Variants in RAPGEF2 observed in about 807,000 individuals in gnomAD.
RAPGEF2 encodes Rap guanine nucleotide exchange factor 2.
Under a neutral mutation model 186.7 loss-of-function variants are expected in RAPGEF2, and 54 were observed. The observed-to-expected ratio is 0.29, with a 90% CI of 0.23 to 0.36. The LOEUF is 0.36. Among genes scored for constraint, RAPGEF2 ranks in the 10% least tolerant of loss-of-function variants. The probability of loss-of-function intolerance (pLI) is 1.00; values close to 1 mark genes in which losing one functional copy is unlikely to be tolerated. For missense variants in RAPGEF2, 1,532 were observed against 2,045.0 expected, an observed-to-expected ratio of 0.75 and a Z score of 4.84; for synonymous variants, 712 against 705.9, an observed-to-expected ratio of 1.01 and a Z score of -0.14.
In RAPGEF2 at chr4:159,125,770, A is replaced by AT. The variant is rs200788000; in HGVS notation, c.69+21539_69+21540insT. On this transcript the variant is annotated intron_variant, in intron 1 of 29. Transcript: ENST00000691494. ...GAGAATCTGTCTCGAAAAAAAAAAAAAATAATAATTCGCTGTTATAGTCTG... is the reference window on the plus strand; with the variant it reads ...GAGAATCTGTCTCGAAAAAAAAAAAATAATAATAATTCGCTGTTATAGTCTG... 2.8e-3 allele frequency among the ~76,000 whole-genome samples: 430 copies of AT among 152,088 alleles called. 1 individual carries two copies. Among genetic ancestry groups the AT allele is most frequent in the African/African-American group, 9.7e-3 (400 of 41,448 alleles).
At chr4:159,214,413 T>C (rs1443991183) in intron 4 of RAPGEF2, among the ~76,000 whole-genome samples, 2 of 152,260 alleles carry the variant, frequency 1.3e-5, no homozygotes, top group Admixed American at 6.5e-5. Context: ...GATTATCTTA[T>C]GAGGTTGCAG....
At chr4:159,264,630 G>A (rs981510895) in intron 7 of RAPGEF2, among the ~76,000 whole-genome samples, 1 of 152,118 alleles carries the variant, frequency 6.6e-6, no homozygotes, top group African/African-American at 2.4e-5. Flanking sequence ...ATTATTAAGT[G>A]TAAAAGGCCA....
chr4:159,239,530 TGTG>T (rs1753702173), intron 5 of RAPGEF2, among the ~76,000 whole-genome samples: 1 of 152,216 alleles, frequency 6.6e-6, no homozygotes, highest in African/African-American at 2.4e-5. Context: ...AATGTAATTT[TGTG>T]ACAAAAATTT....
intron 7 of RAPGEF2, among the ~76,000 whole-genome samples, chr4:159,275,453 A>G (rs925320300): frequency 2.0e-5 from 3 of 152,178 alleles, no homozygotes; most frequent in Non-Finnish European, 2.9e-5. Flanking sequence ...TGATTATTAA[A>G]TGAAACATAC....
intron 1 of RAPGEF2, among the ~76,000 whole-genome samples, chr4:159,150,355 T>C (rs944462049): frequency 1.4e-4 from 21 of 152,168 alleles, no homozygotes; most frequent in African/African-American, 4.3e-4. Flanking sequence ...TTATTGAATA[T>C]ATACGGTTGA....
intron 1 of RAPGEF2, among the ~76,000 whole-genome samples, chr4:159,154,805 T>C (rs1743944101): frequency 6.6e-6 from 1 of 152,158 alleles, no homozygotes; most frequent in African/African-American, 2.4e-5. Context: ...TCCCTTCCCG[T>C]GTTACTATAC....
intron 7 of RAPGEF2, among the ~76,000 whole-genome samples, chr4:159,248,503 A>G (rs955494890): frequency 6.6e-6 from 1 of 152,190 alleles, no homozygotes; most frequent in Admixed American, 6.5e-5. Flanking sequence ...TTGCATTTTA[A>G]CATCCTGCAG....
At position 159,103,249 on chromosome 4, in the gene RAPGEF2, C is replaced by T. The variant is rs1437461233; in HGVS notation, c.-914C>T. ...CCGAACCCGGGCTGTCCGCGGCCCC[C>T]TCTTCCCCCTCCTCCGCCCCGCGCA... On this transcript the variant is annotated 5_prime_UTR_variant, in exon 1 of 30. Transcript: ENST00000691494. 6.6e-6 allele frequency: 1 copy of T among 151,982 alleles called. No individual in the cohort carries two copies. Among genetic ancestry groups the T allele is most frequent in the Non-Finnish European group, 1.5e-5 (1 of 68,014 alleles). 9.4% of individuals were successfully genotyped at this position (151,982 alleles called of 1,614,324 possible).
At chr4:159,220,270 T>C (rs1035278403) in intron 4 of RAPGEF2, among the ~76,000 whole-genome samples, 2 of 152,002 alleles carry the variant, frequency 1.3e-5, no homozygotes, top group African/African-American at 4.8e-5. Flanking sequence ...TAGCACGTGT[T>C]TGTGTGTTGA....
At chr4:159,347,566 C>T (rs1031128804) in intron 25 of RAPGEF2, among the ~76,000 whole-genome samples, 2 of 152,330 alleles carry the variant, frequency 1.3e-5, no homozygotes, top group East Asian at 1.9e-4. Flanking sequence ...GGGCAGATCA[C>T]GAGGTCAGGA....
intron 1 of RAPGEF2, among the ~76,000 whole-genome samples, chr4:159,125,073 T>C (rs1318870662): frequency 6.6e-6 from 1 of 152,134 alleles, no homozygotes; most frequent in Non-Finnish European, 1.5e-5. Flanking sequence ...ATGAGAGGTT[T>C]TAATACAGTT....
chr4:159,150,082 T>A (rs1200009345), intron 1 of RAPGEF2, among the ~76,000 whole-genome samples: 2 of 152,112 alleles, frequency 1.3e-5, no homozygotes, highest in African/African-American at 4.8e-5. Context: ...TATATTGTTA[T>A]TAGCAGTATC....
chr4:159,160,365 T>G (rs537682784), intron 1 of RAPGEF2, among the ~76,000 whole-genome samples: 163 of 152,366 alleles, frequency 1.1e-3, no homozygotes, highest in African/African-American at 3.7e-3. Flanking sequence ...TTTCTCACAT[T>G]ATACAGATGA....
At chr4:159,260,684 A>G (rs1756725444) in intron 7 of RAPGEF2, among the ~76,000 whole-genome samples, 1 of 152,184 alleles carries the variant, frequency 6.6e-6, no homozygotes, top group Admixed American at 6.5e-5. Flanking sequence ...TTTGTATCCC[A>G]GTGCCTGGTA....
intron 19 of RAPGEF2, among the ~76,000 whole-genome samples, chr4:159,341,326 T>G (rs1479835672): frequency 6.6e-6 from 1 of 152,192 alleles, no homozygotes; most frequent in Admixed American, 6.6e-5. Flanking sequence ...AAAGTGCAAC[T>G]AGTGCGAGTG....
intron 1 of RAPGEF2, among the ~76,000 whole-genome samples, chr4:159,153,164 C>T (rs562219843): frequency 2.7e-4 from 41 of 152,298 alleles, no homozygotes; most frequent in African/African-American, 7.5e-4. Flanking sequence ...TTCTCTGGTG[C>T]AGTGGACTTG....
chr4:159,237,713 C>A, intron 4 of RAPGEF2, among the ~76,000 whole-genome samples: 1 of 150,974 alleles, frequency 6.6e-6, no homozygotes, highest in Admixed American at 6.6e-5. Flanking sequence ...ATATGATTAC[C>A]AAAAATTTTA....
intron 1 of RAPGEF2, among the ~76,000 whole-genome samples, chr4:159,168,749 A>G (rs1347428665): frequency 6.6e-6 from 1 of 152,208 alleles, no homozygotes; most frequent in African/African-American, 2.4e-5. Flanking sequence ...ACTCAGTAAC[A>G]GTTTTCCAAT....
Position 159,358,336 on chromosome 4 carries a change from C to A in RAPGEF2, c.*197C>A. 1 of 562,134 alleles carries A rather than the reference C, an allele frequency of 1.8e-6. No individual in the cohort carries two copies. The highest frequency in any genetic ancestry group is 3.1e-6 in the Non-Finnish European group (1 of 320,398). The allele number at this position is 562,134 out of a possible 1,614,324, so 34.8% of individuals were successfully genotyped here. A position where few individuals can be genotyped will look rare whatever the true frequency, so the allele number is the denominator to read the frequency against. On this transcript the variant is annotated 3_prime_UTR_variant, in exon 30 of 30. Transcript: ENST00000691494. ...CATGTGAAATACTGTGAAGAAATTGCCCTGGCACTTTTCAGACTTTGTTGC... is the reference window on the plus strand; with the variant it reads ...CATGTGAAATACTGTGAAGAAATTGACCTGGCACTTTTCAGACTTTGTTGC...
Sources: gnomAD v4.1 joint callset for allele counts (sites outside exome capture counted in the v4.1 genomes callset) on GRCh38, gnomAD v4.1.1 for gene constraint, MANE v1.5 for transcripts, NCBI Gene and HGNC (gene_info 2026-07-23, HGNC 2026-07-21) for gene names.